The following LRP6 variants were observed in gnomAD, a reference collection of about 807,000 sequenced individuals.
LRP6 encodes LDL receptor related protein 6.
Under a neutral mutation model 184.1 loss-of-function variants are expected in LRP6, and 43 were observed. The observed-to-expected ratio is 0.23, with a 90% CI of 0.18 to 0.30. The LOEUF (loss-of-function observed/expected upper bound fraction) is 0.30. Among genes scored for constraint, LRP6 ranks in the 10% least tolerant of loss-of-function variants. The pLI is 1.00. For missense variants in LRP6, 1,571 were observed against 2,005.3 expected, an observed-to-expected ratio of 0.78 and a Z score of 4.14; for synonymous variants, 719 against 684.9, an observed-to-expected ratio of 1.05 and a Z score of -0.78.
In LRP6 at chr12:12,206,831, C is replaced by T. The variant is rs139227048; in HGVS notation, c.450-3431G>A. Among the ~76,000 whole-genome samples, 204 of 151,618 alleles carry T rather than the reference C, an allele frequency of 1.3e-3. 4 individuals are homozygous for T. The highest frequency in any genetic ancestry group is 4.7e-3 in the African/African-American group (195 of 41,338). On this transcript the variant is annotated intron_variant, in intron 2 of 22. Transcript: ENST00000261349. ...TTCAGGAGGGAGAAAAAAATGCCTG[C>T]GGTTTGGGAAAAAACTAGAGGAAAA...
At chr12:12,244,782 TAGG>T (rs1349207174) in intron 1 of LRP6, 127 bp from the exon 2 acceptor site, 16 of 827,474 alleles carry the variant, frequency 1.9e-5, no homozygotes, top group African/African-American at 3.4e-5. Context: ...AATAAATCAT[TAGG>T]AGACCATCTA....
At chr12:12,186,375 C>G (rs1247119853) in intron 4 of LRP6, among the ~76,000 whole-genome samples, 1 of 152,038 alleles carries the variant, frequency 6.6e-6, no homozygotes, top group Non-Finnish European at 1.5e-5. Context: ...CTGAATTATA[C>G]TTTTACATTT....
chr12:12,199,661 A>G (rs1235060279), intron 3 of LRP6, among the ~76,000 whole-genome samples: 2 of 152,046 alleles, frequency 1.3e-5, no homozygotes, highest in Non-Finnish European at 2.9e-5. Context: ...CTGTGAAGAT[A>G]ATTCAGTAAT....
chr12:12,122,206 A>C (rs1185973588), intron 22 of LRP6, among the ~76,000 whole-genome samples: 1 of 152,242 alleles, frequency 6.6e-6, no homozygotes, highest in Admixed American at 6.5e-5. Flanking sequence ...CTAACTAAAG[A>C]AAAAGGCATT....
chr12:12,121,369 G>A lies in LRP6; in HGVS notation c.4599C>T (p.Ser1533=), dbSNP rs1229135278. The change falls in exon 23 of 23, where the codon AGC becomes AGT. Residue 1533 remains serine, a synonymous_variant. Transcript: ENST00000261349. The part of the protein sequence containing the change: ...RHFAPPTTPC[S]TDVCDSDYAP... ...CATAGTCACTGTCACAAACATCTGT[G>A]CTGCAGGGTGTGGTGGGGGGTGCAA... 11 of 1,614,000 alleles carry A rather than the reference G, an allele frequency of 6.8e-6. No individual in the cohort carries two copies. Among genetic ancestry groups the A allele is most frequent in the Non-Finnish European group, 9.3e-6 (11 of 1,180,026 alleles).
intron 1 of LRP6, among the ~76,000 whole-genome samples, chr12:12,256,285 G>A (rs939775966): frequency 9.9e-5 from 15 of 152,212 alleles, no homozygotes; most frequent in Admixed American, 8.5e-4. Flanking sequence ...TAGGCCAGGC[G>A]CGGTGGCTCA....
chr12:12,224,809 C>G (rs1350009129), intron 2 of LRP6, among the ~76,000 whole-genome samples: 1 of 152,110 alleles, frequency 6.6e-6, no homozygotes, highest in Non-Finnish European at 1.5e-5. Flanking sequence ...ATAACAGTAT[C>G]AGTAATGCAA....
rs908729060 is a variant in LRP6 at position 12,159,011 on chromosome 12, T to C, written c.2609A>G (p.Gln870Arg). Residue 870 changes from glutamine (Q) to arginine (R), a missense_variant, in exon 12 of 23, where the codon CAG becomes CGG. This residue lies in a region of LRP6 where 158 missense variants were observed against 258.4 expected (regional missense o/e 0.61). Transcript: ENST00000261349. ...KTSGQNRTII[Q>R]GHLDYVMDIL... ...GTCCATCACATAATCCAAATGGCCC[T>C]GAATGATGGTGCGGTTTTGGCCACT... 3 of 1,614,098 alleles carry C rather than the reference T, an allele frequency of 1.9e-6. No individual in the cohort carries two copies. The African/African-American group carries it at 4.0e-5, about 22-fold the overall frequency.
intron 7 of LRP6, among the ~76,000 whole-genome samples, chr12:12,179,383 TATAGATATAGATATAG>T (rs1029781158): frequency 7.0e-6 from 1 of 142,002 alleles, no homozygotes; most frequent in Non-Finnish European, 1.6e-5. Context: ...TAGATATAGA[TATAGATATAGATATAG>T]ATATAGATAT....
At chr12:12,155,140 G>A (rs35019989) in intron 12 of LRP6, 24,094 of 428,514 alleles carry the variant, frequency 0.056, 905 homozygotes, top group Middle Eastern at 0.12. Flanking sequence ...ATGTTGCAGT[G>A]AGCCAAGATC....
At chr12:12,173,894 A>G (rs1320602245) in intron 7 of LRP6, among the ~76,000 whole-genome samples, 2 of 152,192 alleles carry the variant, frequency 1.3e-5, no homozygotes, top group African/African-American at 2.4e-5. Flanking sequence ...CTCAATGAAC[A>G]TTAAGTCCAA....
In LRP6 at chr12:12,124,598, G is replaced by A. The variant is rs758321968; in HGVS notation, c.4514C>T (p.Ser1505Phe). ...CCTATGAGTGGAAGGACTGTTTGAA[G>A]AATATCCAAATTCCATAGTGTAATG... The part of the protein sequence containing the change: ...RSHYTMEFGY[S>F]SNSPSTHRSY... The change falls in exon 22 of 23, where the codon TCT becomes TTT. Residue 1505 changes from serine (S) to phenylalanine (F), a missense_variant. By Grantham distance (155) the Ser-to-Phe change is radical (BLOSUM62 -2). Around this residue, in one of 4 missense-constraint regions of LRP6, gnomAD observed 763 missense variants for 859.5 expected, o/e 0.89. Coordinates refer to ENST00000261349, the MANE Select transcript of LRP6 (RefSeq NM_002336.3). The A allele has an allele frequency of 1.3e-5, 21 of 1,613,604 alleles. No homozygotes were observed. The highest frequency in any genetic ancestry group is 1.7e-5 in the Non-Finnish European group (20 of 1,179,544).
chr12:12,124,322 G>A (rs1949643129), intron 22 of LRP6, among the ~76,000 whole-genome samples: 1 of 152,116 alleles, frequency 6.6e-6, no homozygotes, highest in Non-Finnish European at 1.5e-5. Context: ...GCAGTGAGCT[G>A]AGATCATGCC....
intron 1 of LRP6, among the ~76,000 whole-genome samples, chr12:12,251,965 C>T (rs1865334915): frequency 6.6e-6 from 1 of 151,938 alleles, no homozygotes; most frequent in African/African-American, 2.4e-5. Context: ...ACAATCATAG[C>T]TCACTGCAGC....
At chr12:12,162,100 T>C in intron 10 of LRP6, 93 bp downstream of exon 10, 1 of 979,946 alleles carries the variant, frequency 1.0e-6, no homozygotes, top group South Asian at 1.4e-5. Context: ...TAATACGTAT[T>C]ATTTAAAACA....
intron 3 of LRP6, among the ~76,000 whole-genome samples, chr12:12,189,895 AAC>A (rs756743062): frequency 6.6e-6 from 1 of 152,100 alleles, no homozygotes; most frequent in Non-Finnish European, 1.5e-5. Flanking sequence ...ACGTTCTCAT[AAC>A]AGTTAGTGAA....
At chr12:12,257,143 C>CA (rs1836201477) in intron 1 of LRP6, among the ~76,000 whole-genome samples, 1 of 152,046 alleles carries the variant, frequency 6.6e-6, no homozygotes, top group Non-Finnish European at 1.5e-5. Flanking sequence ...TTTGAGGGAG[C>CA]AGGGGATGAT....
At chr12:12,134,449 T>C (rs989140461) in intron 17 of LRP6, among the ~76,000 whole-genome samples, 3 of 152,194 alleles carry the variant, frequency 2.0e-5, no homozygotes, top group Non-Finnish European at 2.9e-5. Flanking sequence ...ATGAATACTA[T>C]TGTGGTGCCT....
At chr12:12,190,651 G>C (rs1410275782) in intron 3 of LRP6, among the ~76,000 whole-genome samples, 1 of 152,092 alleles carries the variant, frequency 6.6e-6, no homozygotes, top group Non-Finnish European at 1.5e-5. Context: ...TTTAGTTTTT[G>C]TTTCTGGACC....
Sources: allele counts gnomAD v4.1 joint callset (sites outside exome capture counted in the v4.1 genomes callset), GRCh38; gene constraint gnomAD v4.1.1; regional missense constraint gnomAD v4.1.1; transcripts MANE v1.5; gene names NCBI Gene and HGNC (gene_info 2026-07-23, HGNC 2026-07-21).